MED16: variants seen among roughly 807,000 people sequenced by gnomAD.
The protein encoded by MED16 is mediator complex subunit 16.
A neutral mutation model predicts 84.4 loss-of-function variants in MED16; 81 were observed. That is an observed-to-expected ratio of 0.96 (90% CI 0.80 to 1.15). The LOEUF (loss-of-function observed/expected upper bound fraction) is 1.15. Ranked by LOEUF, MED16 falls within the 50% of genes most tolerant of loss-of-function variation. MED16 has a pLI of 0.00. For synonymous variants in MED16, 897 were observed against 552.2 expected, an observed-to-expected ratio of 1.62 and a Z score of -8.76; for missense variants, 1,585 against 1,245.9, an observed-to-expected ratio of 1.27 and a Z score of -4.10.
Position 873,571 on chromosome 19 carries a change from C to T in MED16, c.1783G>A (p.Val595Ile). 6.2e-7 allele frequency: 1 copy of T among 1,612,386 alleles called. No individual in the cohort carries two copies. Among genetic ancestry groups the T allele is most frequent in the Non-Finnish European group, 8.5e-7 (1 of 1,179,682 alleles). The change falls in exon 11 of 16, where the codon GTC (valine) becomes ATC (isoleucine). Residue 595 changes from valine to isoleucine, a missense_variant. Val to Ile is a conservative substitution (Grantham distance 29). Coordinates refer to ENST00000325464, the MANE Select transcript of MED16 (RefSeq NM_005481.3). ...TCCTCCGTCTTGAGGTTGATCATGA[C>T]CTTGTCAATGTCTACAAGGAGACGT... ...TKITDVDIDK[V>I]MINLKTEEFV... is the part of the protein sequence containing the mutation.
chr19:880,117 G>C lies in MED16; in HGVS notation c.1173C>G (p.Val391=). The part of the protein sequence containing the change: ...GLALAFHDGS[V]HIVHRLSLQT... ...GCAGTGAGAGCCGGTGCACGATGTG[G>C]ACGCTGCCGTCGTGGAAGGCCAGGG... The change falls in exon 8 of 16, where the codon GTC becomes GTG. Residue 391 remains valine (V), a synonymous_variant. Coordinates refer to ENST00000325464, the MANE Select transcript of MED16 (RefSeq NM_005481.3). 3.7e-6 allele frequency: 6 copies of C among 1,610,072 alleles called. No individual in the cohort carries two copies. The highest frequency in any genetic ancestry group is 5.1e-6 in the Non-Finnish European group (6 of 1,179,282).
At chr19:877,856 A>G (rs12985432) in intron 8 of MED16, among the ~76,000 whole-genome samples, 493 of 32,404 alleles carry the variant, frequency 0.015, no homozygotes, top group Middle Eastern at 0.032. Context: ...CCAGCCCCAC[A>G]TGCCCCAGCA....
At chr19:882,137 G>A (rs1450726665) in intron 6 of MED16, among the ~76,000 whole-genome samples, 1 of 152,246 alleles carries the variant, frequency 6.6e-6, no homozygotes, top group Non-Finnish European at 1.5e-5. Flanking sequence ...CAGATCCGCT[G>A]CCTGACAGCC....
intron 13 of MED16, among the ~76,000 whole-genome samples, chr19:869,286 C>T (rs1012630300): frequency 1.2e-4 from 19 of 152,130 alleles, no homozygotes; most frequent in Admixed American, 8.5e-4. Context: ...GTGCTTGTGA[C>T]GCTCCCATTT....
intron 10 of MED16, among the ~76,000 whole-genome samples, chr19:873,814 C>T (rs1270232221): frequency 2.0e-5 from 3 of 152,114 alleles, no homozygotes; most frequent in Non-Finnish European, 4.4e-5. Context: ...CAGCTTCTCT[C>T]GGCCTGCAGG....
chr19:869,031 G>A, intron 13 of MED16, 85 bp from the exon 14 acceptor site: 2 of 1,228,250 alleles, frequency 1.6e-6, no homozygotes, highest in Non-Finnish European at 2.2e-6. Flanking sequence ...AGGCGGGGGT[G>A]GAGGGAATGG....
Position 873,336 on chromosome 19 carries a change from TCCAACTAGG to T in MED16, c.1905+104_1905+112del. ...GCGGGACTCCAAGTAGGGGCGGGAC[TCCAACTAGG>T]GGCGGGGCTGAGGTGGTTTTGAGGG... is the stretch of plus-strand genomic sequence containing the variant. On this transcript the variant is annotated intron_variant, in intron 11 of 15. Transcript: ENST00000325464. 9 of 332,838 alleles carry T rather than the reference TCCAACTAGG, an allele frequency of 2.7e-5. No homozygotes were observed. In the South Asian group the frequency reaches 5.1e-4, roughly 19 times the overall value. 20.6% of individuals were successfully genotyped at this position (332,838 alleles called of 1,614,324 possible).
At chr19:890,035 TCTAGACCCAGCG>T (rs2036602195) in intron 3 of MED16, 90 bp downstream of exon 3, 1 of 939,632 alleles carries the variant, frequency 1.1e-6, no homozygotes, top group African/African-American at 1.6e-5. Flanking sequence ...GACCAGGGGC[TCTAGACCCAGCG>T]CCGGACTCCA....
At chr19:870,695 TG>T (rs1174609665) in intron 13 of MED16, among the ~76,000 whole-genome samples, 3 of 148,184 alleles carry the variant, frequency 2.0e-5, no homozygotes, top group Non-Finnish European at 4.5e-5. Context: ...GCAGCAGTCA[TG>T]GCCATGACTG....
Position 881,539 on chromosome 19 carries a change from T to C in MED16, c.1141+20A>G, listed in dbSNP as rs1328320068. On this transcript the variant is annotated intron_variant, in intron 7 of 15. Coordinates refer to ENST00000325464, the MANE Select transcript of MED16 (RefSeq NM_005481.3). ...GGTGTGAACTGAGGCCCCGCGTGGC[T>C]GCCGCTGGCTCCACCGTACCGAGGC... is the stretch of plus-strand genomic sequence containing the variant. 1 of 1,599,244 alleles carries C rather than the reference T, an allele frequency of 6.3e-7. No individual in the cohort carries two copies. Among genetic ancestry groups the C allele is most frequent in the Non-Finnish European group, 8.5e-7 (1 of 1,171,546 alleles).
chr19:890,335 G>A (rs1283706867), intron 2 of MED16, 91 bp from the exon 3 acceptor site: 1 of 858,936 alleles, frequency 1.2e-6, no homozygotes, highest in Admixed American at 3.0e-5. Context: ...AAGCCGGTGT[G>A]TGTCCCACCC....
chr19:871,335 A>C, intron 12 of MED16, 82 bp from the exon 13 acceptor site: 2 of 1,413,838 alleles, frequency 1.4e-6, no homozygotes, highest in African/African-American at 1.4e-5. Context: ...GAGCCCCTCC[A>C]GTTCAGGAGC....
intron 8 of MED16, 24 bp from the exon 9 acceptor site, chr19:877,204 G>A (rs763253661): frequency 2.0e-4 from 319 of 1,589,828 alleles, no homozygotes; most frequent in Non-Finnish European, 2.5e-4. Context: ...AGCCCAAGGA[G>A]AGCCCGGTGA....
chr19:870,358 C>A (rs2036017291), intron 13 of MED16, among the ~76,000 whole-genome samples: 1 of 152,040 alleles, frequency 6.6e-6, no homozygotes, highest in African/African-American at 2.4e-5. Context: ...GTCAGGAGTT[C>A]AAGACCAGCC....
intron 10 of MED16, among the ~76,000 whole-genome samples, chr19:874,177 G>A (rs1481453691): frequency 1.1e-4 from 16 of 152,026 alleles, no homozygotes; most frequent in African/African-American, 3.9e-4. Context: ...GCAGTGGGGT[G>A]ATCTCAGCTC....
In MED16 at chr19:891,026, C is replaced by A; in HGVS notation, c.106G>T (p.Ala36Ser). 6.2e-7 allele frequency: 1 copy of A among 1,614,108 alleles called. No homozygotes were observed. The highest frequency in any genetic ancestry group is 8.5e-7 in the Non-Finnish European group (1 of 1,180,032). ...KSTHCPSVPLACAWSCRNLIA... is the reference protein window; with the variant it reads ...KSTHCPSVPLSCAWSCRNLIA... ...AGATTTCGGCAGGACCAGGCGCAGG[C>A]CAGGGGCACCGATGGGCAGTGGGTG... Residue 36 changes from alanine (A) to serine (S), a missense_variant, in exon 2 of 16, where the codon GCC becomes TCC. Transcript: ENST00000325464.
At chr19:872,659 G>A (rs949003150) in intron 11 of MED16, among the ~76,000 whole-genome samples, 1 of 151,578 alleles carries the variant, frequency 6.6e-6, no homozygotes, top group South Asian at 2.1e-4. Flanking sequence ...CGGCGGGGGG[G>A]TGGGGGCGAG....
At chr19:884,681 G>T (rs1293926362) in intron 6 of MED16, among the ~76,000 whole-genome samples, 1 of 152,232 alleles carries the variant, frequency 6.6e-6, no homozygotes, top group Non-Finnish European at 1.5e-5. Context: ...GCCGCAGCGG[G>T]CGTGGAAGGA....
chr19:885,979 C>T lies in MED16; in HGVS notation c.670G>A (p.Gly224Ser), dbSNP rs1187243661. ...ALADIAFTGG[G>S]NIVVATADGS... ...TCCGCCGTGGCCACCACGATGTTGC[C>T]GCCGCCGGTGAAGGCGATGTCGGCC... Residue 224 changes from glycine (G) to serine (S), a missense_variant, in exon 5 of 16, where the codon GGC becomes AGC. By Grantham distance (56) the Gly-to-Ser change is moderately conservative. Coordinates refer to ENST00000325464, the MANE Select transcript of MED16 (RefSeq NM_005481.3). 1 of 1,611,218 alleles carries T rather than the reference C, an allele frequency of 6.2e-7. No individual in the cohort carries two copies. The highest frequency in any genetic ancestry group is 8.5e-7 in the Non-Finnish European group (1 of 1,179,322).
Sources: gnomAD v4.1 joint callset for allele counts (sites outside exome capture counted in the v4.1 genomes callset) on GRCh38, gnomAD v4.1.1 for gene constraint, MANE v1.5 for transcripts, NCBI Gene and HGNC (gene_info 2026-07-23, HGNC 2026-07-21) for gene names.